The following CFAP47 variants were observed in gnomAD, a reference collection of about 807,000 sequenced individuals.
CFAP47 encodes the protein cilia and flagella associated protein 47.
A neutral mutation model predicts 148.1 loss-of-function variants in CFAP47; 29 were observed. The ratio of observed to expected loss-of-function variants is 0.20; its 90% CI spans 0.15 to 0.27. The LOEUF is 0.27. Ranked by LOEUF, CFAP47 falls within the 10% of genes least tolerant of loss-of-function variation. The pLI is 1.00. For missense variants in CFAP47, 1,872 were observed against 1,697.5 expected (o/e 1.10, Z -1.81); for synonymous variants, 664 against 577.3 (o/e 1.15, Z -2.15).
intron 13 of CFAP47, among the ~76,000 whole-genome samples, chrX:35,972,203 C>G (rs1339720797): frequency 1.9e-5 from 2 of 107,046 alleles, no homozygotes; most frequent in Non-Finnish European, 3.8e-5. Flanking sequence ...CTCTCATGCC[C>G]ATATGCAGTT....
chrX:35,928,157 G>A (rs1454804669), intron 2 of CFAP47, among the ~76,000 whole-genome samples: 2 of 109,623 alleles, frequency 1.8e-5, no homozygotes, highest in African/African-American at 6.6e-5. Flanking sequence ...TTTTTTCTGG[G>A]ATAAATGCTC....
At chrX:35,942,713 A>C (rs1936027932) in intron 3 of CFAP47, among the ~76,000 whole-genome samples, 1 of 111,736 alleles carries the variant, frequency 8.9e-6, no homozygotes, top group South Asian at 3.6e-4. Context: ...CAAATTTTAC[A>C]GTTTCATTTC....
chrX:36,184,737 C>T (rs1826376163), intron 40 of CFAP47, among the ~76,000 whole-genome samples: 2 of 111,223 alleles, frequency 1.8e-5, no homozygotes, highest in African/African-American at 3.3e-5. Flanking sequence ...AGTTCGAGAC[C>T]AGCCTGACCA....
intron 37 of CFAP47, among the ~76,000 whole-genome samples, chrX:36,153,485 T>C (rs970430878): frequency 6.3e-5 from 7 of 111,519 alleles, no homozygotes; most frequent in Non-Finnish European, 1.3e-4. Context: ...GGTCTTGTGG[T>C]TGTGGTTACC....
intron 32 of CFAP47, among the ~76,000 whole-genome samples, 161 bp downstream of exon 32, chrX:36,100,040 G>A (rs1452301985): frequency 9.0e-6 from 1 of 111,198 alleles, no homozygotes; most frequent in East Asian, 2.8e-4. Flanking sequence ...GATGTGAGAG[G>A]GTCAAAGCTT....
intron 22 of CFAP47, among the ~76,000 whole-genome samples, chrX:36,015,408 T>G (rs768278421): frequency 3.4e-4 from 38 of 111,340 alleles, no homozygotes; most frequent in Non-Finnish European, 6.1e-4. Context: ...TAAAAACTGA[T>G]GTACTCTGCA....
intron 26 of CFAP47, among the ~76,000 whole-genome samples, chrX:36,060,992 A>C: frequency 8.9e-6 from 1 of 111,764 alleles, no homozygotes; most frequent in East Asian, 2.8e-4. Context: ...GGTTTGGATT[A>C]GTGTCTCTGC....
At chrX:35,932,184 G>GT (rs1935837543) in intron 2 of CFAP47, among the ~76,000 whole-genome samples, 3 of 108,654 alleles carry the variant, frequency 2.8e-5, no homozygotes, top group Admixed American at 2.0e-4. Context: ...AAGTTGCTTG[G>GT]ACTACAAACA....
At chrX:36,211,088 G>A (rs782751182) in intron 45 of CFAP47, 36 of 215,122 alleles carry the variant, frequency 1.7e-4, no homozygotes, top group Middle Eastern at 2.0e-3. Flanking sequence ...GCAATTCTGT[G>A]CCTCACTGAA....
chrX:35,945,585 C>A (rs894578378), intron 3 of CFAP47, among the ~76,000 whole-genome samples: 2 of 111,232 alleles, frequency 1.8e-5, no homozygotes, highest in Non-Finnish European at 3.8e-5. Flanking sequence ...ATTTTCAACA[C>A]CTCTCTCTTT....
At position 36,085,301 on chromosome X, in the gene CFAP47, CT is replaced by C; in HGVS notation, c.4692-8del. ...TTTGAGACTGTTTTTAATTTTAAGT[CT>C]TTTTCTCATAGGGATGTATATAAAA... is the stretch of plus-strand genomic sequence containing the variant. On this transcript the variant is annotated splice_polypyrimidine_tract_variant and intron_variant, in intron 29 of 63. Transcript: ENST00000378653. 1 of 1,090,699 alleles carries C rather than the reference CT, an allele frequency of 9.2e-7. No homozygotes were observed. Among genetic ancestry groups the C allele is most frequent in the Non-Finnish European group, 1.3e-6 (1 of 792,126 alleles). 89.9% of individuals were successfully genotyped at this position (1,090,699 alleles called of 1,213,427 possible). A position where few individuals can be genotyped will look rare whatever the true frequency, so the allele number is the denominator to read the frequency against.
At chrX:36,134,441 A>G (rs1939004953) in intron 33 of CFAP47, among the ~76,000 whole-genome samples, 1 of 90,876 alleles carries the variant, frequency 1.1e-5, no homozygotes, top group Non-Finnish European at 2.3e-5. Context: ...GTAGATCAAA[A>G]GAATAGAATT....
chrX:35,988,390 G>GT (rs1936746168), intron 15 of CFAP47, among the ~76,000 whole-genome samples: 1 of 111,854 alleles, frequency 8.9e-6, no homozygotes, highest in African/African-American at 3.3e-5. Flanking sequence ...CTAACAGAGT[G>GT]TTGGCATTCA....
At chrX:36,368,539 C>T (rs1201226861) in intron 62 of CFAP47, among the ~76,000 whole-genome samples, 3 of 111,149 alleles carry the variant, frequency 2.7e-5, no homozygotes. Context: ...GTAGAAGAAA[C>T]TAACATCAGG....
In CFAP47 at chrX:36,179,326, A is replaced by G. The variant is rs1262585882; in HGVS notation, c.6027-19A>G. ...TTGTTGCAATCAATTAAAAATAATT[A>G]TTTCTTCATTTATTCCAGTGTCATT... On this transcript the variant is annotated intron_variant, in intron 39 of 63. Coordinates refer to ENST00000378653, the MANE Select transcript of CFAP47 (RefSeq NM_001304548.2). 6.8e-6 allele frequency: 2 copies of G among 294,321 alleles called. No individual in the cohort carries two copies. The highest frequency in any genetic ancestry group is 5.9e-6 in the Non-Finnish European group (1 of 168,913). 24.3% of individuals were successfully genotyped at this position (294,321 alleles called of 1,213,427 possible). A position where few individuals can be genotyped will look rare whatever the true frequency, so the allele number is the denominator to read the frequency against.
intron 60 of CFAP47, among the ~76,000 whole-genome samples, chrX:36,356,725 A>G (rs2146988180): frequency 9.0e-6 from 1 of 111,498 alleles, no homozygotes; most frequent in East Asian, 2.8e-4. Flanking sequence ...AGTCATGTTG[A>G]CCATGCAGTC....
intron 18 of CFAP47, among the ~76,000 whole-genome samples, chrX:35,994,070 G>A (rs992515077): frequency 1.8e-5 from 2 of 110,483 alleles, no homozygotes. Context: ...AGACCATCTT[G>A]GCTAACATGG....
At chrX:36,197,737 G>A (rs182830154) in intron 42 of CFAP47, among the ~76,000 whole-genome samples, 33 of 111,744 alleles carry the variant, frequency 3.0e-4, no homozygotes, top group Admixed American at 1.5e-3. Flanking sequence ...TGCCAGGAGT[G>A]TATAGACTTA....
chrX:36,339,536 C>T (rs1941636026), intron 57 of CFAP47, among the ~76,000 whole-genome samples: 2 of 111,382 alleles, frequency 1.8e-5, no homozygotes, highest in South Asian at 3.7e-4. Context: ...TGGAGTAATA[C>T]GGATGGAAGA....
Sources: allele counts gnomAD v4.1 joint callset (sites outside exome capture counted in the v4.1 genomes callset), GRCh38; gene constraint gnomAD v4.1.1; transcripts MANE v1.5; gene names NCBI Gene and HGNC (gene_info 2026-07-23, HGNC 2026-07-21).